SLC38A9: variants seen among roughly 807,000 people sequenced by gnomAD.
SLC38A9 encodes the protein solute carrier family 38 member 9.
Under a neutral mutation model 62.3 loss-of-function variants are expected in SLC38A9, and 48 were observed. That is an observed-to-expected ratio of 0.77 (90% CI 0.61 to 0.98). The LOEUF (loss-of-function observed/expected upper bound fraction) is 0.98, where lower values mean the gene tolerates loss of function less well. Among genes scored for constraint, SLC38A9 ranks in the 50% least tolerant of loss-of-function variants. The probability of loss-of-function intolerance (pLI) is 0.00; values close to 1 mark genes in which losing one functional copy is unlikely to be tolerated. For synonymous variants in SLC38A9, 204 were observed against 227.7 expected, an observed-to-expected ratio of 0.90 and a Z score of 0.94; for missense variants, 541 against 679.8, an observed-to-expected ratio of 0.80 and a Z score of 2.27.
chr5:55,658,863 T>C (rs1466073266), intron 8 of SLC38A9, among the ~76,000 whole-genome samples: 2 of 152,060 alleles, frequency 1.3e-5, no homozygotes, highest in Non-Finnish European at 2.9e-5. Flanking sequence ...AAAAAGCAAA[T>C]TCAATCCAGT....
intron 12 of SLC38A9, among the ~76,000 whole-genome samples, chr5:55,641,008 T>C (rs1745374405): frequency 6.6e-6 from 1 of 152,082 alleles, no homozygotes; most frequent in South Asian, 2.1e-4. Flanking sequence ...AGCTAATTTT[T>C]TTTGTATTTT....
At chr5:55,688,999 T>C (rs1754357172) in intron 3 of SLC38A9, among the ~76,000 whole-genome samples, 1 of 152,134 alleles carries the variant, frequency 6.6e-6, no homozygotes, top group Non-Finnish European at 1.5e-5. Context: ...GCAGAAGTTT[T>C]GATAGACATA....
intron 8 of SLC38A9, among the ~76,000 whole-genome samples, chr5:55,663,898 C>T (rs112133331): frequency 1.3e-5 from 2 of 152,086 alleles, no homozygotes; most frequent in Non-Finnish European, 2.9e-5. Flanking sequence ...TTGGTTTTCA[C>T]GTAAATCCAG....
At chr5:55,628,927 A>C (rs951405206) in intron 14 of SLC38A9, among the ~76,000 whole-genome samples, 9 of 152,226 alleles carry the variant, frequency 5.9e-5, no homozygotes, top group Admixed American at 3.9e-4. Flanking sequence ...TTTGGGCCCA[A>C]GTCATCAGAG....
At chr5:55,665,289 T>C (rs1750273248) in intron 7 of SLC38A9, among the ~76,000 whole-genome samples, 1 of 152,090 alleles carries the variant, frequency 6.6e-6, no homozygotes, top group African/African-American at 2.4e-5. Flanking sequence ...CTCATGTCTG[T>C]AATCCCAGCA....
chr5:55,702,709 T>C (rs1756825420), intron 2 of SLC38A9: 2 of 152,190 alleles, frequency 1.3e-5, no homozygotes, highest in Admixed American at 6.5e-5. Context: ...TCTTCAGTCA[T>C]GAACATCTAG....
intron 3 of SLC38A9, among the ~76,000 whole-genome samples, chr5:55,685,399 T>G (rs944823233): frequency 1.3e-5 from 2 of 152,232 alleles, no homozygotes; most frequent in African/African-American, 4.8e-5. Flanking sequence ...CACAGCATAA[T>G]GTCTTCAAGG....
chr5:55,635,480 C>A (rs775658833), intron 13 of SLC38A9, 64 bp downstream of exon 13: 9 of 1,184,704 alleles, frequency 7.6e-6, no homozygotes, highest in Non-Finnish European at 1.1e-5. Context: ...CACTGTATCA[C>A]CCTACCTACT....
intron 12 of SLC38A9, among the ~76,000 whole-genome samples, chr5:55,636,079 T>C (rs1325394370): frequency 6.6e-6 from 1 of 152,234 alleles, no homozygotes; most frequent in Non-Finnish European, 1.5e-5. Context: ...ATTCGTCCTT[T>C]GGTAAATTAA....
At chr5:55,647,606 G>A (rs7735689) in intron 11 of SLC38A9, among the ~76,000 whole-genome samples, 98,899 of 152,052 alleles carry the variant, frequency 0.65, 32,384 homozygotes, top group South Asian at 0.73. Context: ...AATCAATTCT[G>A]TTACTTAGTT....
At chr5:55,641,903 C>G (rs1745499486) in intron 12 of SLC38A9, among the ~76,000 whole-genome samples, 1 of 152,222 alleles carries the variant, frequency 6.6e-6, no homozygotes, top group Non-Finnish European at 1.5e-5. Context: ...TCTTTGGTAA[C>G]TGAGATTTGA....
At chr5:55,712,057 C>A (rs1220373923) in intron 1 of SLC38A9, among the ~76,000 whole-genome samples, 160 bp downstream of exon 1, 2 of 152,174 alleles carry the variant, frequency 1.3e-5, no homozygotes, top group Non-Finnish European at 1.5e-5. Context: ...GCTATGGCCT[C>A]CCTGAGCCCC....
intron 2 of SLC38A9, among the ~76,000 whole-genome samples, chr5:55,710,526 A>G (rs1381132345): frequency 6.6e-6 from 1 of 152,084 alleles, no homozygotes; most frequent in Non-Finnish European, 1.5e-5. Context: ...CTATCTTAAC[A>G]CGAAGTTTGT....
intron 15 of SLC38A9, 131 bp from the exon 16 acceptor site, chr5:55,626,790 G>T: frequency 1.3e-6 from 1 of 779,298 alleles, no homozygotes; most frequent in Non-Finnish European, 1.9e-6. Context: ...TTCATTTGTT[G>T]TTGACATAAA....
At chr5:55,667,068 G>A (rs1315156849) in intron 7 of SLC38A9, among the ~76,000 whole-genome samples, 1 of 152,060 alleles carries the variant, frequency 6.6e-6, no homozygotes, top group Non-Finnish European at 1.5e-5. Context: ...GGTGGTGGGC[G>A]CCTGTAGTTC....
chr5:55,648,596 ACTC>A (rs1409496518), intron 11 of SLC38A9, among the ~76,000 whole-genome samples: 1 of 152,186 alleles, frequency 6.6e-6, no homozygotes, highest in East Asian at 1.9e-4. Context: ...TGTGTAAAGA[ACTC>A]CTATAAATCA....
At chr5:55,694,822 G>T (rs1755256769) in intron 3 of SLC38A9, among the ~76,000 whole-genome samples, 1 of 149,964 alleles carries the variant, frequency 6.7e-6, no homozygotes, top group Non-Finnish European at 1.5e-5. Flanking sequence ...GTACGATCTT[G>T]GCTTACTGCA....
chr5:55,659,952 G>A (rs1044208607), intron 8 of SLC38A9, among the ~76,000 whole-genome samples: 1 of 150,820 alleles, frequency 6.6e-6, no homozygotes, highest in Admixed American at 6.6e-5. Flanking sequence ...ACTTTTAGTA[G>A]AGACAGGGTT....
At chr5:55,697,824 G>A (rs773716937) in intron 3 of SLC38A9, 22 bp downstream of exon 3, 3 of 1,247,710 alleles carry the variant, frequency 2.4e-6, no homozygotes, top group South Asian at 2.8e-5. Context: ...ATTATGAAAT[G>A]TGTTTTATTT....
Sources: allele counts gnomAD v4.1 joint callset (sites outside exome capture counted in the v4.1 genomes callset), GRCh38; gene constraint gnomAD v4.1.1; transcripts MANE v1.5; gene names NCBI Gene and HGNC (gene_info 2026-07-23, HGNC 2026-07-21).